The following NCOR2 variants were observed in gnomAD, a reference collection of about 807,000 sequenced individuals.
The protein encoded by NCOR2 is nuclear receptor corepressor 2.
A neutral mutation model predicts 262.9 loss-of-function variants in NCOR2; 81 were observed. That is an observed-to-expected ratio of 0.31 (90% CI 0.26 to 0.37). The LOEUF (loss-of-function observed/expected upper bound fraction) is 0.37, where lower values mean the gene tolerates loss of function less well. Among genes scored for constraint, NCOR2 ranks in the 10% least tolerant of loss-of-function variants. The pLI is 1.00. For synonymous variants in NCOR2, 1,659 were observed against 1,559.3 expected (o/e 1.06, Z -1.51); for missense variants, 3,385 against 3,621.4 (o/e 0.93, Z 1.68).
rs1414580805 is a variant in NCOR2 at position 124,482,494 on chromosome 12, C to G, written c.411+1102G>C. On this transcript the variant is annotated intron_variant, in intron 3 of 46. Coordinates refer to ENST00000405201, the Ensembl canonical transcript of NCOR2. The surrounding 1 kb of genome is among the most constrained non-coding windows in gnomAD (Gnocchi z 6.3). ...GCAGCCAGACCACCACCCATGCCGG[C>G]TCACGGGTGCCAAATAGTTCCCACG... 6.6e-6 allele frequency among the ~76,000 whole-genome samples: 1 copy of G among 152,214 alleles called. No homozygotes were observed. The highest frequency in any genetic ancestry group is 1.5e-5 in the Non-Finnish European group (1 of 68,032).
At chr12:124,470,658 G>A (rs1397828764) in intron 4 of NCOR2, among the ~76,000 whole-genome samples, 3 of 152,234 alleles carry the variant, frequency 2.0e-5, no homozygotes, top group Non-Finnish European at 4.4e-5. Flanking sequence ...ACAGAGAGTA[G>A]GGGAACGGGG....
At chr12:124,488,440 C>T (rs537329933) in intron 1 of NCOR2, among the ~76,000 whole-genome samples, 88 of 152,344 alleles carry the variant, frequency 5.8e-4, no homozygotes, top group African/African-American at 1.7e-3. Flanking sequence ...GAAATGGGTG[C>T]CCAGCCCAGA....
At chr12:124,558,789 A>G (rs1417525053) in intron 1 of NCOR2, among the ~76,000 whole-genome samples, 1 of 152,006 alleles carries the variant, frequency 6.6e-6, no homozygotes, top group Non-Finnish European at 1.5e-5. Context: ...TGCAGGGACA[A>G]TTGCACCCCA....
chr12:124,490,422 ATGGATGG>A (rs2048020539), intron 1 of NCOR2, among the ~76,000 whole-genome samples: 1 of 151,294 alleles, frequency 6.6e-6, no homozygotes, highest in African/African-American at 2.4e-5. Context: ...GGATGGATGG[ATGGATGG>A]ATGGATGGAT....
exon 47 of NCOR2, chr12:124,325,321 C>G (rs375858461): frequency 1.8e-5 from 18 of 985,180 alleles, no homozygotes; most frequent in Non-Finnish European, 2.2e-5. Context: ...TTGGGGGAGT[C>G]GGCAGCCGCC....
In NCOR2 at chr12:124,517,784, C is replaced by T. The variant is rs561668661; in HGVS notation, c.-118+17781G>A. Among the ~76,000 whole-genome samples, 9 of 152,346 alleles carry T rather than the reference C, an allele frequency of 5.9e-5. No homozygotes were observed. The South Asian group carries it at 1.9e-3, about 32-fold the overall frequency. ...GGCCAAGAAGCCTCACCCCGGCCTG[C>T]CCGGCCAGCGCCTCCGAGCGCTCTT... On this transcript the variant is annotated intron_variant, in intron 1 of 46. Transcript: ENST00000404621. The surrounding 1 kb of genome is among the most constrained non-coding windows in gnomAD (Gnocchi z 7.6).
intron 3 of NCOR2, among the ~76,000 whole-genome samples, chr12:124,474,413 C>T (rs1351353486): frequency 1.5e-3 from 6 of 3,966 alleles, no homozygotes; most frequent in Admixed American, 9.2e-3. Flanking sequence ...TTGTGTAATA[C>T]AGCTGTTTTG....
At chr12:124,544,256 AG>A (rs2137234658) in intron 1 of NCOR2, among the ~76,000 whole-genome samples, 1 of 152,362 alleles carries the variant, frequency 6.6e-6, no homozygotes, top group East Asian at 1.9e-4. Flanking sequence ...AGATGAACTC[AG>A]GTTTAGCCCC....
At chr12:124,324,506 A>G (rs757527541) in exon 47 of NCOR2, 2 of 152,304 alleles carry the variant, frequency 1.3e-5, no homozygotes, top group Non-Finnish European at 2.9e-5. Context: ...ATACGCATCG[A>G]ATTCATTCTG....
At chr12:124,431,014 C>A (rs12302589) in intron 8 of NCOR2, among the ~76,000 whole-genome samples, 3,652 of 152,002 alleles carry the variant, frequency 0.024, 140 homozygotes, top group African/African-American at 0.084. Context: ...ACATACAAGT[C>A]ACACAGGCAC....
chr12:124,495,450 G>A, upstream of NCOR2: 1 of 1,131,060 alleles, frequency 8.8e-7, no homozygotes, highest in South Asian at 1.7e-5. The surrounding 1 kb of genome is among the most constrained non-coding windows in gnomAD (Gnocchi z 4.4). Flanking sequence ...AGTCGTTCCT[G>A]TGGTCCCGTG....
intron 17 of NCOR2, among the ~76,000 whole-genome samples, chr12:124,380,027 A>G (rs997249818): frequency 1.3e-5 from 2 of 152,128 alleles, no homozygotes; most frequent in African/African-American, 4.8e-5. Context: ...AAGAGAATAC[A>G]TCTCTGTTGT....
At chr12:124,327,700 C>G in intron 44 of NCOR2, 67 bp from the exon 47 acceptor site, 3 of 1,142,486 alleles carry the variant, frequency 2.6e-6, no homozygotes, top group South Asian at 2.7e-5. Flanking sequence ...AGAGGGGCGA[C>G]AGAGAGAGAG....
chr12:124,496,416 T>A (rs1051213771), upstream of NCOR2, among the ~76,000 whole-genome samples: 1 of 151,594 alleles, frequency 6.6e-6, no homozygotes, highest in Non-Finnish European at 1.5e-5. This position sits in a 1 kb window ranked among gnomAD's most constrained non-coding sequence, Gnocchi z 4.4. Context: ...CCCCCACAAT[T>A]GCACACACCC....
intron 1 of NCOR2, among the ~76,000 whole-genome samples, chr12:124,490,408 AGATGGATGGATGGATGGATGGATG>A (rs750414709): frequency 3.2e-5 from 4 of 126,258 alleles, no homozygotes; most frequent in African/African-American, 1.1e-4. Context: ...AGTATTTGCC[AGATGGATGGATGGATGGATGGATG>A]GATGGATGGA....
chr12:124,409,323 G>A (rs2042440304), intron 13 of NCOR2, among the ~76,000 whole-genome samples: 1 of 152,174 alleles, frequency 6.6e-6, no homozygotes. Context: ...CTGGAAGATG[G>A]CCCGCATGTT....
chr12:124,507,851 T>C (rs2049134707), intron 1 of NCOR2, among the ~76,000 whole-genome samples: 1 of 152,236 alleles, frequency 6.6e-6, no homozygotes. Flanking sequence ...TCCCACCGAC[T>C]TCCCTGCCTC....
intron 12 of NCOR2, among the ~76,000 whole-genome samples, 187 bp downstream of exon 14, chr12:124,422,314 G>A (rs538341250): frequency 1.9e-4 from 29 of 152,302 alleles, no homozygotes; most frequent in Non-Finnish European, 3.2e-4. Context: ...AGGCCAGGGC[G>A]GGGCCTGCAC....
chr12:124,356,705 G>A lies in NCOR2; in HGVS notation c.3178C>T (p.Arg1060Cys), dbSNP rs372982176. Reference sequence around the variant, plus strand: ...TGCGGGGAGGCCTTGATCACCTCACGGGGGGGCACGGGGAAGGGCAGGCCG... The same window carrying A: ...TGCGGGGAGGCCTTGATCACCTCACAGGGGGGCACGGGGAAGGGCAGGCCG... The change falls in exon 23 of 47, where the codon CGT (arginine) becomes TGT (cysteine). Residue 1060 changes from arginine to cysteine, a missense_variant. Transcript: ENST00000405201. 50 of 1,491,662 alleles carry A rather than the reference G, an allele frequency of 3.4e-5. No individual in the cohort carries two copies. The highest frequency in any genetic ancestry group is 8.6e-5 in the Admixed American group (3 of 34,914). The allele number at this position is 1,491,662 out of a possible 1,614,324, so 92.4% of individuals were successfully genotyped here.
Sources: allele counts gnomAD v4.1 joint callset (sites outside exome capture counted in the v4.1 genomes callset), GRCh38; gene constraint gnomAD v4.1.1; non-coding constraint Gnocchi (gnomAD v3.1); transcripts MANE v1.5; gene names NCBI Gene and HGNC (gene_info 2026-07-23, HGNC 2026-07-21).